Variants in AGAP1 observed in about 807,000 individuals in gnomAD.
The protein encoded by AGAP1 is arf-GAP with GTPase, ANK repeat and PH domain-containing protein 1.
A neutral mutation model predicts 105.3 loss-of-function variants in AGAP1; 29 were observed. The ratio of observed to expected loss-of-function variants is 0.28; its 90% CI spans 0.21 to 0.38. AGAP1 has a LOEUF of 0.38. Among genes scored for constraint, AGAP1 ranks in the 10% least tolerant of loss-of-function variants. The pLI is 1.00. For synonymous variants in AGAP1, 509 were observed against 485.9 expected (o/e 1.05, Z -0.63); for missense variants, 998 against 1,165.1 (o/e 0.86, Z 2.09).
intron 1 of AGAP1, among the ~76,000 whole-genome samples, chr2:235,588,342 A>G (rs368049961): frequency 9.9e-5 from 15 of 152,166 alleles, no homozygotes; most frequent in African/African-American, 3.6e-4. Context: ...ATACCAGAAC[A>G]AAGGGAAGGC....
intron 1 of AGAP1, among the ~76,000 whole-genome samples, chr2:235,652,789 G>A (rs1237403842): frequency 1.3e-5 from 2 of 152,082 alleles, no homozygotes. Flanking sequence ...CTACTCAGGA[G>A]GCTGAGGCAG....
In AGAP1 at chr2:235,720,952, A is replaced by G. The variant is rs112334788; in HGVS notation, c.310+3308A>G. Among the ~76,000 whole-genome samples the G allele has an allele frequency of 7.2e-3, 1,103 of 152,250 alleles. 9 individuals are homozygous for G. Among genetic ancestry groups the G allele is most frequent in the African/African-American group, 0.025 (1,034 of 41,536 alleles). ...TTCGTTGTATGATGCATTTTGGTTG[A>G]TATTTTATTCTTGTAGTGAAGAGAG... On this transcript the variant is annotated intron_variant, in intron 3 of 17. Coordinates refer to ENST00000304032, the MANE Select transcript of AGAP1 (RefSeq NM_001037131.3). The surrounding 1 kb of genome is among the most constrained non-coding windows in gnomAD (Gnocchi z 5.0).
rs914880246 is a variant in AGAP1 at position 235,739,803 on chromosome 2, C to T, written c.311-1160C>T. On this transcript the variant is annotated intron_variant, in intron 3 of 17. Coordinates refer to ENST00000304032, the MANE Select transcript of AGAP1 (RefSeq NM_001037131.3). The surrounding 1 kb of genome is among the most constrained non-coding windows in gnomAD (Gnocchi z 5.3). Reference sequence around the variant, plus strand: ...GGATGGGGACTCTGATTTTTTGCTTCTCAGGCACTGATGTGGTTCAGACCC... The same window carrying T: ...GGATGGGGACTCTGATTTTTTGCTTTTCAGGCACTGATGTGGTTCAGACCC... Among the ~76,000 whole-genome samples, 2 of 152,134 alleles carry T rather than the reference C, an allele frequency of 1.3e-5. No individual in the cohort carries two copies. The highest frequency in any genetic ancestry group is 2.9e-5 in the Non-Finnish European group (2 of 68,024).
Position 236,056,815 on chromosome 2 carries a change from A to C in AGAP1, c.2114+7534A>C, listed in dbSNP as rs1164350918. Among the ~76,000 whole-genome samples the C allele has an allele frequency of 6.6e-6, 1 of 152,152 alleles. No individual in the cohort carries two copies. The highest frequency in any genetic ancestry group is 2.4e-5 in the African/African-American group (1 of 41,454). On this transcript the variant is annotated intron_variant, in intron 16 of 17. Coordinates refer to ENST00000304032, the MANE Select transcript of AGAP1 (RefSeq NM_001037131.3). The surrounding 1 kb of genome is among the most constrained non-coding windows in gnomAD (Gnocchi z 4.6). Reference sequence around the variant, plus strand: ...CCAGGGTCACATGGGAGCGCAGGTCAGACTGCAGGCACCAAGATCTGACTC... The same window carrying C: ...CCAGGGTCACATGGGAGCGCAGGTCCGACTGCAGGCACCAAGATCTGACTC...
In AGAP1 at chr2:235,577,231, T is replaced by G. The variant is rs1944763278; in HGVS notation, c.163+82382T>G. Among the ~76,000 whole-genome samples, 1 of 152,222 alleles carries G rather than the reference T, an allele frequency of 6.6e-6. No homozygotes were observed. Among genetic ancestry groups the G allele is most frequent in the Non-Finnish European group, 1.5e-5 (1 of 68,038 alleles). On this transcript the variant is annotated intron_variant, in intron 1 of 17. Coordinates refer to ENST00000304032, the MANE Select transcript of AGAP1 (RefSeq NM_001037131.3). The surrounding 1 kb of genome is among the most constrained non-coding windows in gnomAD (Gnocchi z 4.5). ...ATCCAACATATCCAAAATATTATCC[T>G]TTCATTGCAATTATCTGGAATTTGT...
chr2:235,997,288 C>T (rs1378036090), intron 13 of AGAP1, among the ~76,000 whole-genome samples: 1 of 152,174 alleles, frequency 6.6e-6, no homozygotes, highest in Non-Finnish European at 1.5e-5. Context: ...GGGGTTTCTC[C>T]ATGTTGGTCA....
intron 9 of AGAP1, among the ~76,000 whole-genome samples, chr2:235,840,181 A>T (rs1032770135): frequency 6.6e-6 from 1 of 152,196 alleles, no homozygotes; most frequent in Non-Finnish European, 1.5e-5. Flanking sequence ...ACCTGTTGAC[A>T]ACCAGTCTTT....
chr2:236,074,137 T>A (rs1384316920), intron 16 of AGAP1, among the ~76,000 whole-genome samples: 1 of 152,232 alleles, frequency 6.6e-6, no homozygotes, highest in Non-Finnish European at 1.5e-5. Context: ...ACCAGCTGAC[T>A]CTGAGGAGCA....
rs376131576 is a variant in AGAP1 at position 236,092,014 on chromosome 2, T to C, written c.2115-28178T>C. ...GAATTACATTGAGTGAAAAAAAGCC[T>C]GTCCCAAAAGATTACGTGCTGTAGG... On this transcript the variant is annotated intron_variant, in intron 16 of 17. Transcript: ENST00000304032. This position sits in a 1 kb window ranked among gnomAD's most constrained non-coding sequence, Gnocchi z 4.7. Among the ~76,000 whole-genome samples the C allele has an allele frequency of 7.2e-5, 11 of 152,238 alleles. No homozygotes were observed. Among genetic ancestry groups the C allele is most frequent in the Non-Finnish European group, 1.3e-4 (9 of 68,044 alleles).
At chr2:235,975,046 T>C (rs1426913460) in intron 13 of AGAP1, among the ~76,000 whole-genome samples, 2 of 152,236 alleles carry the variant, frequency 1.3e-5, no homozygotes, top group African/African-American at 2.4e-5. Flanking sequence ...TAACCTGTTG[T>C]AGAGCTTAAT....
At chr2:235,991,534 A>G (rs913801280) in intron 13 of AGAP1, among the ~76,000 whole-genome samples, 3 of 152,164 alleles carry the variant, frequency 2.0e-5, no homozygotes, top group African/African-American at 7.2e-5. Context: ...TCCCAGTGAG[A>G]CCCCACCTCT....
At chr2:235,763,576 CTG>C (rs933528483) in intron 6 of AGAP1, among the ~76,000 whole-genome samples, 2 of 152,324 alleles carry the variant, frequency 1.3e-5, no homozygotes, top group East Asian at 3.9e-4. Flanking sequence ...GGAAGTGAGA[CTG>C]TGTGTCCACA....
chr2:235,593,340 A>G (rs1205462307), intron 1 of AGAP1, among the ~76,000 whole-genome samples: 1 of 152,052 alleles, frequency 6.6e-6, no homozygotes, highest in East Asian at 1.9e-4. Context: ...GAACAGAACA[A>G]CCTCCTGATT....
chr2:235,882,340 G>T lies in AGAP1; in HGVS notation c.1051-1005G>T. On this transcript the variant is annotated intron_variant, in intron 9 of 17. Transcript: ENST00000304032. The surrounding 1 kb of genome is among the most constrained non-coding windows in gnomAD (Gnocchi z 4.6). ...ACAACTGGGGTCTTAAGGATGACGA[G>T]GGCAGGAAATCCTCCGGGCTCTTAG... 1.8e-6 allele frequency: 2 copies of T among 1,135,436 alleles called. No homozygotes were observed. The highest frequency in any genetic ancestry group is 2.6e-6 in the Non-Finnish European group (2 of 781,960). The allele number at this position is 1,135,436 out of a possible 1,614,324, so 70.3% of individuals were successfully genotyped here. A position where few individuals can be genotyped will look rare whatever the true frequency, so the allele number is the denominator to read the frequency against.
At chr2:235,856,124 GGCT>G (rs2048674878) in intron 9 of AGAP1, among the ~76,000 whole-genome samples, 1 of 152,076 alleles carries the variant, frequency 6.6e-6, no homozygotes, top group Non-Finnish European at 1.5e-5. Context: ...ATATTGGCCA[GGCT>G]GGTCCTGAAC....
chr2:235,508,071 T>C (rs1001594998), intron 1 of AGAP1, among the ~76,000 whole-genome samples: 2 of 152,194 alleles, frequency 1.3e-5, no homozygotes, highest in South Asian at 4.1e-4. Flanking sequence ...GCTTATGATA[T>C]TGGCCTCCAG....
chr2:235,836,097 A>T (rs184313384), intron 9 of AGAP1, among the ~76,000 whole-genome samples: 1 of 152,374 alleles, frequency 6.6e-6, no homozygotes, highest in African/African-American at 2.4e-5. Flanking sequence ...GTTTGTCAGT[A>T]TAACTGGCTC....
intron 6 of AGAP1, among the ~76,000 whole-genome samples, chr2:235,755,181 C>G (rs192282564): frequency 6.6e-6 from 1 of 152,332 alleles, no homozygotes; most frequent in African/African-American, 2.4e-5. Flanking sequence ...GCTCTCGTTC[C>G]TAGATTGCTT....
At chr2:235,618,396 G>T (rs1946374130) in intron 1 of AGAP1, among the ~76,000 whole-genome samples, 1 of 152,076 alleles carries the variant, frequency 6.6e-6, no homozygotes, top group Non-Finnish European at 1.5e-5. Flanking sequence ...GGGGCACCTG[G>T]TCTATCTTGC....
Sources: allele counts gnomAD v4.1 joint callset (sites outside exome capture counted in the v4.1 genomes callset), GRCh38; gene constraint gnomAD v4.1.1; non-coding constraint Gnocchi (gnomAD v3.1); transcripts MANE v1.5; gene names NCBI Gene and HGNC (gene_info 2026-07-23, HGNC 2026-07-21).